The following TBC1D9B variants were observed in gnomAD, a reference collection of about 807,000 sequenced individuals.
The protein encoded by TBC1D9B is TBC1 domain family, member 9B (with GRAM domain).
A neutral mutation model predicts 121.1 loss-of-function variants in TBC1D9B; 87 were observed. The observed-to-expected ratio is 0.72, with a 90% CI of 0.60 to 0.86. TBC1D9B has a LOEUF of 0.86. Ranked by LOEUF, TBC1D9B falls within the 40% of genes least tolerant of loss-of-function variation. TBC1D9B has a pLI of 0.00. For synonymous variants in TBC1D9B, 668 were observed against 670.1 expected, an observed-to-expected ratio of 1.00 and a Z score of 0.05; for missense variants, 1,540 against 1,628.6, an observed-to-expected ratio of 0.95 and a Z score of 0.94.
In TBC1D9B at chr5:179,864,012, C is replaced by T; in HGVS notation, c.3138G>A (p.Glu1046=). Residue 1046 remains glutamate (E), a synonymous_variant, in exon 21 of 21, where the codon GAG becomes GAA. Transcript: ENST00000355235. ...TVASLLLRIG[E]VGKKFSARTG... ...TGCGGGCTGAGAACTTCTTCCCCACCTCTCCGATGCGGAGCAGGAGGCTGG... is the reference window on the plus strand; with the variant it reads ...TGCGGGCTGAGAACTTCTTCCCCACTTCTCCGATGCGGAGCAGGAGGCTGG... 2.5e-6 allele frequency: 4 copies of T among 1,613,788 alleles called. No individual in the cohort carries two copies. Among genetic ancestry groups the T allele is most frequent in the South Asian group, 2.2e-5 (2 of 91,078 alleles).
At position 179,873,099 on chromosome 5, in the gene TBC1D9B, T is replaced by C. The variant is rs768491334; in HGVS notation, c.2316+20A>G. 3.7e-6 allele frequency: 6 copies of C among 1,610,694 alleles called. No individual in the cohort carries two copies. Among genetic ancestry groups the C allele is most frequent in the Middle Eastern group, 1.7e-4 (1 of 6,054 alleles). ...GCCAGATGGAGCGGCCTGGCCAAAA[T>C]GGCCCCACTGGGTGCTGACCTCATA... On this transcript the variant is annotated intron_variant, in intron 13 of 20. Transcript: ENST00000355235.
rs894603265 is a variant in TBC1D9B at position 179,904,619 on chromosome 5, G to A, written c.229+83C>T. 6.7e-6 allele frequency: 8 copies of A among 1,196,826 alleles called. No homozygotes were observed. Among genetic ancestry groups the A allele is most frequent in the African/African-American group, 4.6e-5 (3 of 65,228 alleles). The allele number at this position is 1,196,826 out of a possible 1,614,324, so 74.1% of individuals were successfully genotyped here. A position where few individuals can be genotyped will look rare whatever the true frequency, so the allele number is the denominator to read the frequency against. On this transcript the variant is annotated intron_variant, in intron 2 of 20. Transcript: ENST00000355235. This position sits in a 1 kb window ranked among gnomAD's most constrained non-coding sequence, Gnocchi z 4.2. ...TCAGCAGGGAATACCACCCAGACAC[G>A]TGGGCTACACACCCCTTCCTCTCGG...
chr5:179,872,756 G>T, intron 14 of TBC1D9B, 136 bp downstream of exon 14: 1 of 797,686 alleles, frequency 1.3e-6, no homozygotes. Flanking sequence ...CCGGTCCCAT[G>T]AATCCTACCA....
intron 5 of TBC1D9B, among the ~76,000 whole-genome samples, chr5:179,892,523 C>T (rs968604853): frequency 2.6e-5 from 4 of 152,228 alleles, no homozygotes; most frequent in African/African-American, 7.2e-5. Context: ...TAAGCTACAA[C>T]CTAGGAACCC....
intron 7 of TBC1D9B, chr5:179,880,133 CT>C (rs1443821205): frequency 9.6e-6 from 3 of 312,478 alleles, no homozygotes; most frequent in Non-Finnish European, 1.8e-5. Flanking sequence ...AGGCACACCC[CT>C]GCCCACCCTC....
At chr5:179,878,937 AGCT>A (rs1760445607) in intron 9 of TBC1D9B, 107 bp downstream of exon 9, 2 of 1,415,730 alleles carry the variant, frequency 1.4e-6, no homozygotes, top group Non-Finnish European at 1.9e-6. Flanking sequence ...AAGAGCTGGG[AGCT>A]CCTGCCTGGC....
Position 179,878,394 on chromosome 5 carries a change from G to A in TBC1D9B, c.1697C>T (p.Ala566Val). ...DLHRSMPEHP[A>V]FQNELGIAAL... ...AGCAATCCCCAGCTCGTTCTGGAAGGCAGGGTGCTCGGGCATGGAGCGGTG... is the reference window on the plus strand; with the variant it reads ...AGCAATCCCCAGCTCGTTCTGGAAGACAGGGTGCTCGGGCATGGAGCGGTG... The change falls in exon 10 of 21, where the codon GCC (alanine) becomes GTC (valine). Residue 566 changes from alanine (A) to valine (V), a missense_variant. Ala to Val is a moderately conservative substitution (Grantham distance 64). Transcript: ENST00000355235. 1.2e-6 allele frequency: 2 copies of A among 1,613,944 alleles called. No individual in the cohort carries two copies. The highest frequency in any genetic ancestry group is 1.7e-6 in the Non-Finnish European group (2 of 1,179,966).
chr5:179,871,320 G>C (rs1213624870), intron 15 of TBC1D9B, 142 bp downstream of exon 15: 1 of 779,944 alleles, frequency 1.3e-6, no homozygotes, highest in Non-Finnish European at 2.0e-6. Flanking sequence ...CTGCATCTGA[G>C]GATGCACTTA....
rs1760152393 is a variant in TBC1D9B at position 179,870,361 on chromosome 5, G to A, written c.2619C>T (p.Pro873=). 6.2e-7 allele frequency: 1 copy of A among 1,613,792 alleles called. No homozygotes were observed. Among genetic ancestry groups the A allele is most frequent in the Non-Finnish European group, 8.5e-7 (1 of 1,180,048 alleles). The change falls in exon 16 of 21, where the codon CCC becomes CCT. Residue 873 remains proline, a synonymous_variant. Transcript: ENST00000355235. The part of the protein sequence containing the change: ...QFRELFASLT[P]WACGSHTPLL... ...GAGGTGTGTGGGAGCCACAGGCCCA[G>A]GGTGTCAGGCTGGCAAAGAGTTCCC... is the stretch of plus-strand genomic sequence containing the variant.
chr5:179,878,248 A>ACCTG, intron 10 of TBC1D9B, 61 bp downstream of exon 10: 5 of 1,528,464 alleles, frequency 3.3e-6, no homozygotes, highest in Non-Finnish European at 4.4e-6. Context: ...GACCACAGGG[A>ACCTG]CCTGCTCCTG....
At position 179,894,588 on chromosome 5, in the gene TBC1D9B, G is replaced by C; in HGVS notation, c.375C>G (p.Asn125Lys). ...GGTCCTCGTCTCCCTGGGGCTGCAG[G>C]TTCTTGTTCTCTTCTGCGATGATTC... ...IHGIIAEENK[N>K]LQPQGDEDPG... is the part of the protein sequence containing the mutation. Residue 125 changes from asparagine to lysine, a missense_variant, in exon 4 of 21, where the codon AAC becomes AAG. Coordinates refer to ENST00000355235, the MANE Select transcript of TBC1D9B (RefSeq NM_015043.4). The C allele has an allele frequency of 6.2e-7, 1 of 1,614,218 alleles. No individual in the cohort carries two copies. Among genetic ancestry groups the C allele is most frequent in the Non-Finnish European group, 8.5e-7 (1 of 1,180,032 alleles).
Position 179,879,735 on chromosome 5 carries a change from G to A in TBC1D9B, c.1309C>T (p.Leu437Phe). Residue 437 changes from leucine (L) to phenylalanine (F), a missense_variant, in exon 8 of 21, where the codon CTC becomes TTC. By Grantham distance (22) the Leu-to-Phe change is conservative (BLOSUM62 0). Transcript: ENST00000355235. ...GCACAGAAGCTCTGGCGGCTGCTGA[G>A]GGGAGAGGCTGGGCTGGCGGGCTGC... ...SEQPASPASP[L>F]SSRQSFCAQE... 2 of 1,614,136 alleles carry A rather than the reference G, an allele frequency of 1.2e-6. No homozygotes were observed. Among genetic ancestry groups the A allele is most frequent in the Non-Finnish European group, 1.7e-6 (2 of 1,180,016 alleles).
At chr5:179,864,585 C>T (rs42201) in intron 20 of TBC1D9B, among the ~76,000 whole-genome samples, 5,433 of 70,988 alleles carry the variant, frequency 0.077, 114 homozygotes, top group Middle Eastern at 0.16. Context: ...GAGGGGGATC[C>T]TGGGGAGGGG....
intron 3 of TBC1D9B, among the ~76,000 whole-genome samples, chr5:179,895,978 C>A (rs776643378): frequency 6.6e-6 from 1 of 152,226 alleles, no homozygotes; most frequent in Non-Finnish European, 1.5e-5. Context: ...GCTGGATATA[C>A]GTTCTCCTTT....
At position 179,863,830 on chromosome 5, in the gene TBC1D9B, C is replaced by G. The variant is rs1303498683; in HGVS notation, c.3320G>C (p.Ser1107Thr). The G allele has an allele frequency of 6.2e-7, 1 of 1,613,644 alleles. No homozygotes were observed. Residue 1107 changes from serine (S) to threonine (T), a missense_variant, in exon 21 of 21, where the codon AGC (serine) becomes ACC (threonine). Ser to Thr is a moderately conservative substitution (Grantham distance 58, BLOSUM62 1). Transcript: ENST00000355235. This position sits in a 1 kb window ranked among gnomAD's most constrained non-coding sequence, Gnocchi z 4.5. ...GCTGCCCCCCTCCACCACCACCTGG[C>G]TCTCCTGTGGGGCTTTTCCGAGGTG... ...DTHLGKAPQE[S>T]QVVVEGGSGE... is the part of the protein sequence containing the mutation.
chr5:179,878,874 G>C (rs1055516999), intron 9 of TBC1D9B, among the ~76,000 whole-genome samples, 173 bp downstream of exon 9: 1 of 150,414 alleles, frequency 6.6e-6, no homozygotes, highest in African/African-American at 2.5e-5. Flanking sequence ...GCTCCTTCTG[G>C]TTGGGTCCCG....
intron 6 of TBC1D9B, 49 bp from the exon 7 acceptor site, chr5:179,888,361 A>G (rs1241944209): frequency 6.3e-7 from 1 of 1,581,210 alleles, no homozygotes; most frequent in Non-Finnish European, 8.6e-7. Context: ...CAGGCCCTGC[A>G]GCTGGGCATG....
rs769197080 is a variant in TBC1D9B, at chr5:179,863,842, G to T, written c.3308C>A (p.Ala1103Asp). Reference protein sequence around the residue: ...KAGGDTHLGKAPQESQVVVEG... With the variant: ...KAGGDTHLGKDPQESQVVVEG... ...CACCACCACCTGGCTCTCCTGTGGG[G>T]CTTTTCCGAGGTGTGTGTCTCCGCC... The change falls in exon 21 of 21, where the codon GCC (alanine) becomes GAC (aspartate). Residue 1103 changes from alanine to aspartate, a missense_variant. Ala to Asp is a moderately radical substitution (Grantham distance 126, BLOSUM62 -2). Transcript: ENST00000355235. This position sits in a 1 kb window ranked among gnomAD's most constrained non-coding sequence, Gnocchi z 4.5. 1.2e-6 allele frequency: 2 copies of T among 1,613,436 alleles called. No individual in the cohort carries two copies. Among genetic ancestry groups the T allele is most frequent in the South Asian group, 2.2e-5 (2 of 91,072 alleles).
chr5:179,878,028 T>A (rs562744645), intron 10 of TBC1D9B, among the ~76,000 whole-genome samples: 2 of 152,264 alleles, frequency 1.3e-5, no homozygotes, highest in African/African-American at 4.8e-5. Flanking sequence ...TTAAAAACAG[T>A]GAAGATGGGA....
Sources: allele counts gnomAD v4.1 joint callset (sites outside exome capture counted in the v4.1 genomes callset), GRCh38; gene constraint gnomAD v4.1.1; non-coding constraint Gnocchi (gnomAD v3.1); transcripts MANE v1.5; gene names NCBI Gene and HGNC (gene_info 2026-07-23, HGNC 2026-07-21).